Variants in EYS observed in about 807,000 individuals in gnomAD.
EYS encodes the protein protein eyes shut homolog.
A neutral mutation model predicts 282.1 loss-of-function variants in EYS; 250 were observed. The ratio of observed to expected loss-of-function variants is 0.89; its 90% CI spans 0.80 to 0.98. The LOEUF (loss-of-function observed/expected upper bound fraction) is 0.98. Ranked by LOEUF, EYS falls within the 50% of genes least tolerant of loss-of-function variation. The pLI, the probability that EYS is intolerant of heterozygous loss-of-function variation, is 0.00. For synonymous variants in EYS, 1,355 were observed against 1,282.9 expected, an observed-to-expected ratio of 1.06 and a Z score of -1.20; for missense variants, 4,016 against 3,709.0, an observed-to-expected ratio of 1.08 and a Z score of -2.15.
intron 19 of EYS, among the ~76,000 whole-genome samples, chr6:64,868,750 AG>A (rs1327609382): frequency 1.3e-5 from 2 of 151,544 alleles, no homozygotes; most frequent in Non-Finnish European, 3.0e-5. Context: ...ATTTCATTAC[AG>A]GAACATATTT....
At chr6:64,120,294 T>C (rs571027400) in intron 31 of EYS, among the ~76,000 whole-genome samples, 11 of 146,128 alleles carry the variant, frequency 7.5e-5, no homozygotes, top group African/African-American at 2.1e-4. Flanking sequence ...AGGCGGAGCT[T>C]GCAGTGAGAG....
At chr6:65,576,562 T>C (rs354347) in intron 2 of EYS, among the ~76,000 whole-genome samples, 99,171 of 151,598 alleles carry the variant, frequency 0.65, 34,094 homozygotes, top group African/African-American at 0.88. Context: ...AAAAATAGAG[T>C]TGGATGTCCT....
At chr6:64,120,424 C>A (rs1031710697) in intron 31 of EYS, among the ~76,000 whole-genome samples, 1 of 144,894 alleles carries the variant, frequency 6.9e-6, no homozygotes, top group Non-Finnish European at 1.5e-5. Flanking sequence ...AAATGACAAC[C>A]AAAACAATGA....
At chr6:64,550,184 G>C (rs965527871) in intron 26 of EYS, among the ~76,000 whole-genome samples, 2 of 152,022 alleles carry the variant, frequency 1.3e-5, no homozygotes, top group African/African-American at 2.4e-5. Context: ...GTGAATAGTG[G>C]CGCAATAAAC....
intron 2 of EYS, among the ~76,000 whole-genome samples, chr6:65,630,449 G>T (rs538449947): frequency 6.6e-6 from 1 of 152,248 alleles, no homozygotes; most frequent in South Asian, 2.1e-4. Context: ...GCATTTTTCT[G>T]CTTTTTCTAT....
intron 22 of EYS, among the ~76,000 whole-genome samples, chr6:64,712,169 C>T (rs1771236390): frequency 6.6e-6 from 1 of 152,070 alleles, no homozygotes; most frequent in Non-Finnish European, 1.5e-5. Context: ...CTATCAATTC[C>T]ATAACAGAAA....
chr6:65,640,113 G>A (rs1464017449), intron 1 of EYS, among the ~76,000 whole-genome samples: 1 of 152,080 alleles, frequency 6.6e-6, no homozygotes, highest in Non-Finnish European at 1.5e-5. Flanking sequence ...CAAAGTCTTT[G>A]AAAGCAACTG....
At chr6:63,752,297 A>G (rs1367707286) in intron 41 of EYS, among the ~76,000 whole-genome samples, 1 of 152,110 alleles carries the variant, frequency 6.6e-6, no homozygotes, top group Non-Finnish European at 1.5e-5. Flanking sequence ...ATTCACTATT[A>G]TTCTAGTAAC....
chr6:63,849,087 G>A (rs868104022), intron 36 of EYS, among the ~76,000 whole-genome samples: 42 of 152,166 alleles, frequency 2.8e-4, no homozygotes, highest in African/African-American at 6.8e-4. Flanking sequence ...CAGACTAGGC[G>A]GAGCCCACCA....
At chr6:64,437,970 T>A (rs1774809350) in intron 27 of EYS, among the ~76,000 whole-genome samples, 1 of 151,722 alleles carries the variant, frequency 6.6e-6, no homozygotes, top group East Asian at 1.9e-4. Context: ...TTATGTTTCA[T>A]ATATTAGAAT....
intron 2 of EYS, among the ~76,000 whole-genome samples, chr6:65,619,580 C>A (rs1361270770): frequency 6.6e-6 from 1 of 152,082 alleles, no homozygotes; most frequent in Admixed American, 6.6e-5. Flanking sequence ...GCCAGAACTT[C>A]CAACACTATG....
chr6:65,432,981 G>A (rs549548356), intron 5 of EYS, among the ~76,000 whole-genome samples: 5 of 152,236 alleles, frequency 3.3e-5, no homozygotes, highest in East Asian at 3.9e-4. Context: ...TGGTAATTAA[G>A]GGAGGAATGG....
intron 22 of EYS, among the ~76,000 whole-genome samples, chr6:64,789,973 A>G (rs1941989804): frequency 6.6e-6 from 1 of 151,912 alleles, no homozygotes; most frequent in Non-Finnish European, 1.5e-5. Flanking sequence ...GCAATATATC[A>G]TTAGATTTGT....
At chr6:63,726,362 G>A (rs1221644088) in intron 42 of EYS, among the ~76,000 whole-genome samples, 157 bp downstream of exon 42, 1 of 151,692 alleles carries the variant, frequency 6.6e-6, no homozygotes. Context: ...GAATATCTAG[G>A]GCTTCTAAAT....
chr6:64,849,667 A>AGTTGT (rs1765821808), intron 19 of EYS, among the ~76,000 whole-genome samples: 1 of 151,976 alleles, frequency 6.6e-6, no homozygotes, highest in African/African-American at 2.4e-5. Flanking sequence ...ATTTTTTATA[A>AGTTGT]GCTCATTCAA....
intron 12 of EYS, among the ~76,000 whole-genome samples, chr6:65,290,008 T>C (rs768323012): frequency 1.5e-4 from 23 of 151,158 alleles, no homozygotes; most frequent in Non-Finnish European, 3.0e-4. Flanking sequence ...TACTCATAAA[T>C]GGAAATGAAA....
At chr6:64,186,710 T>C (rs148972400) in intron 31 of EYS, among the ~76,000 whole-genome samples, 40 of 152,256 alleles carry the variant, frequency 2.6e-4, no homozygotes, top group African/African-American at 7.2e-4. Context: ...AGAGCAATTT[T>C]TCCCTCTATC....
At chr6:63,890,255 A>G in intron 35 of EYS, among the ~76,000 whole-genome samples, 1 of 152,218 alleles carries the variant, frequency 6.6e-6, no homozygotes, top group East Asian at 1.9e-4. Flanking sequence ...GACCTAACAG[A>G]TATCTACAGA....
intron 31 of EYS, among the ~76,000 whole-genome samples, chr6:64,192,812 G>C (rs1461462617): frequency 6.6e-6 from 1 of 152,122 alleles, no homozygotes; most frequent in Non-Finnish European, 1.5e-5. Flanking sequence ...CGGCATAATG[G>C]AGAGGTACAA....
Sources: gnomAD v4.1 joint callset for allele counts (sites outside exome capture counted in the v4.1 genomes callset) on GRCh38, gnomAD v4.1.1 for gene constraint, MANE v1.5 for transcripts, NCBI Gene and HGNC (gene_info 2026-07-23, HGNC 2026-07-21) for gene names.